The following USP22 variants were observed in gnomAD, a reference collection of about 807,000 sequenced individuals.
The protein encoded by USP22 is ubiquitin specific peptidase 22.
In USP22, 22 loss-of-function variants were observed where a neutral mutation model predicts 68.1. The observed-to-expected ratio is 0.32, with a 90% CI of 0.23 to 0.46. The LOEUF is 0.46. Ranked by LOEUF, USP22 falls within the 20% of genes least tolerant of loss-of-function variation. The pLI is 1.00. For synonymous variants in USP22, 279 were observed against 274.2 expected (o/e 1.02, Z -0.17); for missense variants, 433 against 695.8 (o/e 0.62, Z 4.25).
chr17:21,016,254 C>T (rs1914129059), intron 5 of USP22, among the ~76,000 whole-genome samples: 1 of 152,234 alleles, frequency 6.6e-6, no homozygotes, highest in African/African-American at 2.4e-5. Context: ...TGGACACCAG[C>T]ACCTCCGCAA....
chr17:21,004,456 G>A, intron 11 of USP22, 105 bp from the exon 12 acceptor site: 1 of 1,428,800 alleles, frequency 7.0e-7, no homozygotes, highest in African/African-American at 1.4e-5. Flanking sequence ...CGGGAGGCCT[G>A]TGGGCCTGTC....
At chr17:21,019,451 T>C (rs1369944498) in intron 3 of USP22, among the ~76,000 whole-genome samples, 4 of 152,338 alleles carry the variant, frequency 2.6e-5, no homozygotes. Flanking sequence ...CCAACGCCAA[T>C]GCCAAAACAG....
Position 21,002,820 on chromosome 17 carries a change from A to C in USP22, c.*211T>G. The C allele has an allele frequency of 1.8e-6, 1 of 566,052 alleles. No individual in the cohort carries two copies. The highest frequency in any genetic ancestry group is 3.2e-6 in the Non-Finnish European group (1 of 312,232). 35.1% of individuals were successfully genotyped at this position (566,052 alleles called of 1,614,324 possible). ...CCAGAGCACACCCCTCATCTCATCCATCTTCAAAGCAGCTCCAGGAGCCTC... is the reference window on the plus strand; with the variant it reads ...CCAGAGCACACCCCTCATCTCATCCCTCTTCAAAGCAGCTCCAGGAGCCTC... On this transcript the variant is annotated 3_prime_UTR_variant, in exon 13 of 13. Coordinates refer to ENST00000261497, the MANE Select transcript of USP22 (RefSeq NM_015276.2).
At chr17:21,009,502 A>T (rs1169170145) in intron 8 of USP22, among the ~76,000 whole-genome samples, 1 of 152,080 alleles carries the variant, frequency 6.6e-6, no homozygotes, top group Non-Finnish European at 1.5e-5. Context: ...CCTTCCCGGG[A>T]GTCAGCACCA....
chr17:21,011,523 G>T (rs915278304), intron 7 of USP22: 16 of 556,616 alleles, frequency 2.9e-5, no homozygotes, highest in Non-Finnish European at 4.7e-5. Flanking sequence ...GTGTGAACTC[G>T]GAAGGCGAGG....
At chr17:21,008,114 T>C in intron 8 of USP22, 118 bp from the exon 9 acceptor site, 1 of 1,243,718 alleles carries the variant, frequency 8.0e-7, no homozygotes, top group Admixed American at 2.9e-5. Flanking sequence ...AACATACACT[T>C]ACAACTAAAA....
chr17:21,011,383 C>G, intron 7 of USP22, 74 bp from the exon 8 acceptor site: 1 of 1,523,510 alleles, frequency 6.6e-7, no homozygotes, highest in South Asian at 1.2e-5. Flanking sequence ...GGGGTGGAAG[C>G]CGTTCCCACA....
intron 2 of USP22, 140 bp downstream of exon 2, chr17:21,028,402 A>C: frequency 7.4e-7 from 1 of 1,343,790 alleles, no homozygotes; most frequent in Middle Eastern, 2.7e-4. Flanking sequence ...TTCACTTCCA[A>C]GTGTCACCAG....
intron 1 of USP22, among the ~76,000 whole-genome samples, chr17:21,038,734 T>G (rs932504690): frequency 6.6e-6 from 1 of 151,960 alleles, no homozygotes; most frequent in African/African-American, 2.4e-5. Context: ...TGCCATAAAA[T>G]TTTAGATTCA....
chr17:21,019,936 G>A (rs1597694688), intron 3 of USP22, among the ~76,000 whole-genome samples: 2 of 152,204 alleles, frequency 1.3e-5, no homozygotes, highest in Admixed American at 6.5e-5. Flanking sequence ...ATTTCTGAGA[G>A]GGAAAAGAAC....
At chr17:21,009,681 A>T (rs1020771788) in intron 8 of USP22, among the ~76,000 whole-genome samples, 2 of 141,506 alleles carry the variant, frequency 1.4e-5, no homozygotes, top group Non-Finnish European at 3.2e-5. Flanking sequence ...TTGGCCGGGC[A>T]TGCTGGCTCA....
intron 6 of USP22, among the ~76,000 whole-genome samples, chr17:21,014,293 C>G (rs1430871666): frequency 6.6e-6 from 1 of 152,226 alleles, no homozygotes; most frequent in African/African-American, 2.4e-5. Flanking sequence ...GAACATTTAA[C>G]AGCAATGCAT....
intron 12 of USP22, 84 bp from the exon 13 acceptor site, chr17:21,003,157 G>C: frequency 2.0e-6 from 3 of 1,531,164 alleles, no homozygotes; most frequent in South Asian, 2.2e-5. Flanking sequence ...AAAAGCCTAC[G>C]TGCTCTGCGC....
In USP22 at chr17:21,019,084, C is replaced by T; in HGVS notation, c.520G>A (p.Gly174Ser). The change falls in exon 4 of 13, where the codon GGT becomes AGT. Residue 174 changes from glycine (G) to serine (S), a missense_variant and splice_region_variant. Around this residue, in one of 4 missense-constraint regions of USP22, gnomAD observed 144 missense variants for 237.2 expected, o/e 0.61. Coordinates refer to ENST00000261497, the MANE Select transcript of USP22 (RefSeq NM_015276.2). Reference sequence around the variant, plus strand: ...GAGAGTGACGACACGCTCCACCCACCTATGGTGCAGTTCGAGGTGATCTTT... The same window carrying T: ...GAGAGTGACGACACGCTCCACCCACTTATGGTGCAGTTCGAGGTGATCTTT... ...RRKITSNCTIGLRGLINLGNT... is the reference protein window; with the variant it reads ...RRKITSNCTISLRGLINLGNT... 6.2e-7 allele frequency: 1 copy of T among 1,614,092 alleles called. No individual in the cohort carries two copies. Among genetic ancestry groups the T allele is most frequent in the South Asian group, 1.1e-5 (1 of 91,078 alleles).
intron 1 of USP22, chr17:21,042,380 G>A (rs1274667038): frequency 4.4e-5 from 10 of 224,846 alleles, no homozygotes. Context: ...GGACAGAGAG[G>A]AGGGGGAGGG....
At chr17:21,034,173 G>T (rs1440930340) in intron 1 of USP22, among the ~76,000 whole-genome samples, 2 of 152,012 alleles carry the variant, frequency 1.3e-5, no homozygotes, top group Non-Finnish European at 2.9e-5. Flanking sequence ...CCAGACTCAG[G>T]CCCCTCAATC....
intron 1 of USP22, among the ~76,000 whole-genome samples, chr17:21,032,775 C>CA (rs1972305973): frequency 6.6e-6 from 1 of 151,770 alleles, no homozygotes; most frequent in Non-Finnish European, 1.5e-5. Flanking sequence ...CTCATCTCTA[C>CA]AAAAAATGCA....
intron 1 of USP22, among the ~76,000 whole-genome samples, chr17:21,038,594 G>A (rs1972385613): frequency 6.6e-6 from 1 of 151,702 alleles, no homozygotes; most frequent in Non-Finnish European, 1.5e-5. Context: ...CTGGACCCCA[G>A]GAACTCGAGG....
chr17:21,004,801 G>T, intron 11 of USP22, 127 bp downstream of exon 11: 1 of 978,632 alleles, frequency 1.0e-6, no homozygotes, highest in Non-Finnish European at 1.6e-6. Flanking sequence ...TAGTGGAGCT[G>T]CGGGCAGCCA....
Sources: gnomAD v4.1 joint callset for allele counts (sites outside exome capture counted in the v4.1 genomes callset) on GRCh38, gnomAD v4.1.1 for gene constraint, gnomAD v4.1.1 regional missense constraint, MANE v1.5 for transcripts, NCBI Gene and HGNC (gene_info 2026-07-23, HGNC 2026-07-21) for gene names.